AJAP1: variants seen among roughly 807,000 people sequenced by gnomAD.
AJAP1 encodes adherens junction-associated protein 1.
AJAP1 carries 5 observed loss-of-function variants against 35.0 expected under a neutral mutation model. The observed-to-expected ratio is 0.14, with a 90% CI of 0.07 to 0.30. The LOEUF (loss-of-function observed/expected upper bound fraction) is 0.30. Among genes scored for constraint, AJAP1 ranks in the 10% least tolerant of loss-of-function variants. The pLI is 1.00. For synonymous variants in AJAP1, 284 were observed against 249.3 expected (o/e 1.14, Z -1.31); for missense variants, 586 against 571.0 (o/e 1.03, Z -0.27).
chr1:4,737,272 A>G (rs190145840), intron 2 of AJAP1, among the ~76,000 whole-genome samples: 5 of 152,104 alleles, frequency 3.3e-5, no homozygotes, highest in Admixed American at 3.3e-4. Context: ...CCTGAGCCTG[A>G]GCCTGAGCCT....
At chr1:4,757,536 G>T (rs932379658) in intron 2 of AJAP1, among the ~76,000 whole-genome samples, 4 of 152,240 alleles carry the variant, frequency 2.6e-5, no homozygotes, top group African/African-American at 9.6e-5. Context: ...CATGAGTGTG[G>T]CTGGAGGGGG....
chr1:4,729,598 G>A (rs1242094969), intron 2 of AJAP1, among the ~76,000 whole-genome samples: 3 of 46,410 alleles, frequency 6.5e-5, no homozygotes, highest in East Asian at 3.4e-3. Context: ...GTCTCCACCC[G>A]AGCCTTCCCA....
At chr1:4,694,437 C>T (rs962191301) in intron 1 of AJAP1, among the ~76,000 whole-genome samples, 10 of 152,224 alleles carry the variant, frequency 6.6e-5, no homozygotes. Flanking sequence ...TCTCAACAAA[C>T]ATCTTTGGGA....
intron 1 of AJAP1, among the ~76,000 whole-genome samples, chr1:4,697,979 G>T (rs1406189019): frequency 6.6e-6 from 1 of 152,210 alleles, no homozygotes; most frequent in Non-Finnish European, 1.5e-5. Flanking sequence ...AGCGTGGGGT[G>T]GTGGCGGGCA....
intron 2 of AJAP1, among the ~76,000 whole-genome samples, chr1:4,729,798 A>G (rs1217863742): frequency 6.6e-6 from 1 of 152,208 alleles, no homozygotes; most frequent in African/African-American, 2.4e-5. Flanking sequence ...TTGGGGGTGC[A>G]TAATTCAACC....
rs932282463 is a variant in AJAP1 at position 4,693,666 on chromosome 1, A to G, written c.30-18234A>G. 6.6e-5 allele frequency among the ~76,000 whole-genome samples: 10 copies of G among 152,178 alleles called. No homozygotes were observed. Among genetic ancestry groups the G allele is most frequent in the Non-Finnish European group, 1.2e-4 (8 of 68,032 alleles). On this transcript the variant is annotated intron_variant, in intron 1 of 5. Coordinates refer to ENST00000378191, the MANE Select transcript of AJAP1 (RefSeq NM_018836.4). This position sits in a 1 kb window ranked among gnomAD's most constrained non-coding sequence, Gnocchi z 4.4. ...TATATGTGAGACTGGGCATTTTATA[A>G]AAAGCAGAGATTTATTTCTCACAGT...
intron 2 of AJAP1, among the ~76,000 whole-genome samples, chr1:4,724,647 G>T (rs542346206): frequency 1.3e-5 from 2 of 149,008 alleles, no homozygotes; most frequent in African/African-American, 5.1e-5. Context: ...TTGAGGGGCC[G>T]CAACAAAACT....
chr1:4,779,277 A>G (rs146834717), intron 5 of AJAP1, among the ~76,000 whole-genome samples: 102 of 152,176 alleles, frequency 6.7e-4, no homozygotes, highest in African/African-American at 2.3e-3. Flanking sequence ...GCCAGGACCC[A>G]GTGCAGAAGG....
At chr1:4,710,554 A>C (rs1393778379) in intron 1 of AJAP1, among the ~76,000 whole-genome samples, 1 of 152,242 alleles carries the variant, frequency 6.6e-6, no homozygotes, top group East Asian at 1.9e-4. Flanking sequence ...TCCTTTGTGA[A>C]GTCACTCACC....
At chr1:4,737,555 A>C (rs562463464) in intron 2 of AJAP1, among the ~76,000 whole-genome samples, 55 of 151,578 alleles carry the variant, frequency 3.6e-4, no homozygotes, top group Non-Finnish European at 6.9e-4. Flanking sequence ...AGGCAGGGCC[A>C]GGGTGCCCAG....
intron 4 of AJAP1, among the ~76,000 whole-genome samples, chr1:4,772,996 T>C (rs1287467994): frequency 6.6e-6 from 1 of 152,158 alleles, no homozygotes; most frequent in Non-Finnish European, 1.5e-5. Context: ...GGAAGTACGT[T>C]ACTAAATGCT....
intron 2 of AJAP1, among the ~76,000 whole-genome samples, chr1:4,767,290 GATC>G (rs571519509): frequency 5.1e-4 from 77 of 150,608 alleles, no homozygotes; most frequent in African/African-American, 1.9e-3. Context: ...CCATCATTAT[GATC>G]ATCATGTCAC....
intron 1 of AJAP1, chr1:4,711,196 CTTCCCATGCAGAGCAT>C (rs1640224574): frequency 6.6e-6 from 1 of 152,276 alleles, no homozygotes; most frequent in African/African-American, 2.4e-5. Context: ...AGTAAGAAGC[CTTCCCATGCAGAGCAT>C]TTAAAGCGAT....
chr1:4,737,603 G>T (rs1379297292), intron 2 of AJAP1, among the ~76,000 whole-genome samples: 1 of 152,112 alleles, frequency 6.6e-6, no homozygotes, highest in Admixed American at 6.6e-5. Context: ...GGGTTTTAAA[G>T]AAATTCTAGG....
rs11801722 is a variant in AJAP1, at chr1:4,692,734, C to A, written c.30-19166C>A. ...TCAGCCAAGCAGAGATGAAGCCACC[C>A]TGGCACTCTGCTGTCCTCCCTCCAG... On this transcript the variant is annotated intron_variant, in intron 1 of 5. Coordinates refer to ENST00000378191, the MANE Select transcript of AJAP1 (RefSeq NM_018836.4). The surrounding 1 kb of genome is among the most constrained non-coding windows in gnomAD (Gnocchi z 4.4). Among the ~76,000 whole-genome samples, 3 of 152,322 alleles carry A rather than the reference C, an allele frequency of 2.0e-5. No homozygotes were observed. In the South Asian group the frequency reaches 6.2e-4, roughly 32 times the overall value.
At chr1:4,744,464 G>A (rs1641142130) in intron 2 of AJAP1, among the ~76,000 whole-genome samples, 1 of 152,152 alleles carries the variant, frequency 6.6e-6, no homozygotes, top group South Asian at 2.1e-4. Flanking sequence ...GGAGGATGTG[G>A]GCCTGGCTGG....
At chr1:4,759,981 C>T (rs906526153) in intron 2 of AJAP1, among the ~76,000 whole-genome samples, 5 of 152,188 alleles carry the variant, frequency 3.3e-5, no homozygotes, top group Non-Finnish European at 5.9e-5. Context: ...CTGAACCTCT[C>T]CTTAGCATGC....
At chr1:4,665,561 C>T (rs978596842) in intron 1 of AJAP1, among the ~76,000 whole-genome samples, 2 of 152,214 alleles carry the variant, frequency 1.3e-5, no homozygotes, top group African/African-American at 4.8e-5. Flanking sequence ...TTCTCAGGCT[C>T]TCACCCCGAC....
intron 2 of AJAP1, among the ~76,000 whole-genome samples, chr1:4,768,991 G>A (rs1641762823): frequency 6.6e-6 from 1 of 152,198 alleles, no homozygotes; most frequent in Non-Finnish European, 1.5e-5. Context: ...AGAGGTGGGG[G>A]ACGGGAAAGA....
Sources: allele counts gnomAD v4.1 joint callset (sites outside exome capture counted in the v4.1 genomes callset), GRCh38; gene constraint gnomAD v4.1.1; non-coding constraint Gnocchi (gnomAD v3.1); transcripts MANE v1.5; gene names NCBI Gene and HGNC (gene_info 2026-07-23, HGNC 2026-07-21).